Variants in CPED1 observed in about 807,000 individuals in gnomAD.
CPED1 encodes the protein cadherin-like and PC-esterase domain-containing protein 1.
In CPED1, 114 loss-of-function variants were observed where a neutral mutation model predicts 128.2. That is an observed-to-expected ratio of 0.89 (90% confidence interval 0.76 to 1.04). CPED1 has a LOEUF of 1.04. Ranked by LOEUF, CPED1 falls within the 50% of genes least tolerant of loss-of-function variation. The probability of loss-of-function intolerance (pLI) is 0.00; values close to 1 mark genes in which losing one functional copy is unlikely to be tolerated. For missense variants in CPED1, 1,211 were observed against 1,207.1 expected, an observed-to-expected ratio of 1.00 and a Z score of -0.05; for synonymous variants, 462 against 426.7, an observed-to-expected ratio of 1.08 and a Z score of -1.02.
At chr7:121,070,006 G>A (rs79355331) in intron 5 of CPED1, among the ~76,000 whole-genome samples, 2,005 of 152,058 alleles carry the variant, frequency 0.013, 40 homozygotes, top group African/African-American at 0.046. Flanking sequence ...TGTATTCAAA[G>A]ATAGCATTTT....
At chr7:121,029,289 A>T (rs1462670384) in intron 3 of CPED1, among the ~76,000 whole-genome samples, 1 of 152,266 alleles carries the variant, frequency 6.6e-6, no homozygotes, top group South Asian at 2.1e-4. Flanking sequence ...TCAAAATTCT[A>T]TCTGAAAAGG....
chr7:121,130,056 A>G (rs117201097), intron 11 of CPED1, 69 bp from the exon 12 acceptor site: 17,706 of 1,201,212 alleles, frequency 0.015, 226 homozygotes, highest in South Asian at 0.042. Context: ...ACTAAGTATA[A>G]GGCTGTTCAT....
At chr7:121,132,909 A>G (rs556543004) in intron 12 of CPED1, among the ~76,000 whole-genome samples, 38 of 152,186 alleles carry the variant, frequency 2.5e-4, no homozygotes, top group Non-Finnish European at 5.0e-4. Flanking sequence ...CTTTAGCAAT[A>G]ATTTTAATTC....
intron 6 of CPED1, among the ~76,000 whole-genome samples, chr7:121,099,608 C>T (rs762152456): frequency 6.6e-6 from 1 of 152,170 alleles, no homozygotes; most frequent in Non-Finnish European, 1.5e-5. Flanking sequence ...GCTCATGATC[C>T]GCCTGTCTCG....
intron 16 of CPED1, among the ~76,000 whole-genome samples, chr7:121,143,684 T>C (rs970064877): frequency 4.6e-5 from 7 of 152,054 alleles, no homozygotes; most frequent in Non-Finnish European, 8.8e-5. Context: ...ATTCTTACCC[T>C]TTTTGGTGGA....
chr7:121,021,627 A>G (rs1467199122), intron 3 of CPED1, among the ~76,000 whole-genome samples: 1 of 152,016 alleles, frequency 6.6e-6, no homozygotes, highest in Non-Finnish European at 1.5e-5. Context: ...TAAAAAGTAT[A>G]AGCATTGAAG....
intron 5 of CPED1, among the ~76,000 whole-genome samples, chr7:121,080,700 A>T (rs1446013195): frequency 8.5e-6 from 1 of 117,922 alleles, no homozygotes; most frequent in Non-Finnish European, 1.7e-5. Flanking sequence ...CATTTTAAAA[A>T]CCTTCATTTT....
chr7:121,032,603 G>A, intron 3 of CPED1, among the ~76,000 whole-genome samples: 1 of 151,882 alleles, frequency 6.6e-6, no homozygotes, highest in East Asian at 1.9e-4. Flanking sequence ...AATGTATGCG[G>A]GGCTTAAAAC....
chr7:121,109,077 A>G (rs1385720761), intron 7 of CPED1, among the ~76,000 whole-genome samples: 3 of 152,082 alleles, frequency 2.0e-5, no homozygotes, highest in Admixed American at 2.0e-4. Flanking sequence ...TGAGCCTCAA[A>G]TCTGCTGTTA....
At chr7:121,208,197 C>T (rs1797563653) in intron 16 of CPED1, among the ~76,000 whole-genome samples, 4 of 151,802 alleles carry the variant, frequency 2.6e-5, no homozygotes, top group Admixed American at 1.3e-4. Flanking sequence ...ATGTAATGTA[C>T]AGCTTAATTT....
At chr7:121,039,244 C>A (rs1792981832) in intron 3 of CPED1, among the ~76,000 whole-genome samples, 1 of 152,002 alleles carries the variant, frequency 6.6e-6, no homozygotes, top group African/African-American at 2.4e-5. Context: ...GCTTATAATT[C>A]AATATTACTC....
At chr7:121,186,280 C>A (rs965063850) in intron 16 of CPED1, among the ~76,000 whole-genome samples, 1 of 152,110 alleles carries the variant, frequency 6.6e-6, no homozygotes, top group African/African-American at 2.4e-5. Context: ...TTGCAAATTA[C>A]CTAAACATTG....
chr7:121,200,367 G>A (rs1797369389), intron 16 of CPED1, among the ~76,000 whole-genome samples: 1 of 152,084 alleles, frequency 6.6e-6, no homozygotes, highest in Admixed American at 6.6e-5. Flanking sequence ...CCAAGAGAAT[G>A]GGTATACATT....
At chr7:121,087,916 T>C (rs1354614397) in intron 5 of CPED1, among the ~76,000 whole-genome samples, 2 of 152,094 alleles carry the variant, frequency 1.3e-5, no homozygotes, top group African/African-American at 4.8e-5. Flanking sequence ...TGCTTCAGCC[T>C]CCTAAAGTGC....
intron 22 of CPED1, 50 bp downstream of exon 22, chr7:121,271,480 G>A (rs1360399701): frequency 1.9e-6 from 3 of 1,548,564 alleles, no homozygotes; most frequent in Admixed American, 3.6e-5. Flanking sequence ...TTTTAAAATT[G>A]TTTGTTGTAT....
intron 4 of CPED1, among the ~76,000 whole-genome samples, chr7:121,059,021 AGAATAGTAACAT>A (rs1793581732): frequency 6.6e-6 from 1 of 152,206 alleles, no homozygotes; most frequent in African/African-American, 2.4e-5. Flanking sequence ...CCCAGTCAGC[AGAATAGTAACAT>A]GAATTTAAAA....
At chr7:121,247,835 T>C (rs1798572873) in intron 18 of CPED1, among the ~76,000 whole-genome samples, 1 of 152,046 alleles carries the variant, frequency 6.6e-6, no homozygotes, top group South Asian at 2.1e-4. Flanking sequence ...AGTTTCCCTA[T>C]CTCCCTCCAA....
chr7:121,276,283 C>T (rs184112025), intron 22 of CPED1, among the ~76,000 whole-genome samples: 8 of 152,172 alleles, frequency 5.3e-5, no homozygotes, highest in African/African-American at 1.2e-4. Context: ...GAGCTATCTT[C>T]GACTTTTGCT....
chr7:121,047,287 C>T (rs1229256678), intron 4 of CPED1, among the ~76,000 whole-genome samples: 1 of 152,106 alleles, frequency 6.6e-6, no homozygotes, highest in African/African-American at 2.4e-5. Context: ...ACTTGTTCAC[C>T]GAAGTGGTAA....
Sources: allele counts gnomAD v4.1 joint callset (sites outside exome capture counted in the v4.1 genomes callset), GRCh38; gene constraint gnomAD v4.1.1; transcripts MANE v1.5; gene names NCBI Gene and HGNC (gene_info 2026-07-23, HGNC 2026-07-21).